The following MYMK variants were observed in gnomAD, a reference collection of about 807,000 sequenced individuals.
The protein encoded by MYMK is protein myomaker.
A neutral mutation model predicts 22.4 loss-of-function variants in MYMK; 16 were observed. The ratio of observed to expected loss-of-function variants is 0.72; its 90% CI spans 0.48 to 1.09. The LOEUF is 1.09. Ranked by LOEUF, MYMK falls within the 50% of genes least tolerant of loss-of-function variation. The pLI, the probability that MYMK is intolerant of heterozygous loss-of-function variation, is 0.00. For synonymous variants in MYMK, 125 were observed against 127.0 expected (o/e 0.98, Z 0.11); for missense variants, 250 against 295.6 (o/e 0.85, Z 1.13).
intron 1 of MYMK, among the ~76,000 whole-genome samples, chr9:133,522,345 G>GT (rs375743210): frequency 7.3e-5 from 11 of 150,698 alleles, no homozygotes; most frequent in South Asian, 2.1e-4. Flanking sequence ...GTGGCTGTCG[G>GT]GGGGGGGCCT....
At position 133,520,184 on chromosome 9, in the gene MYMK, G is replaced by A; in HGVS notation, c.240C>T (p.Val80=). 6.2e-7 allele frequency: 1 copy of A among 1,613,860 alleles called. No individual in the cohort carries two copies. The highest frequency in any genetic ancestry group is 8.5e-7 in the Non-Finnish European group (1 of 1,179,796). Reference sequence around the variant, plus strand: ...GGGTTGACCACTCACCCATCAGCGAGACCCACATGCTCAGGGCTGTCCCGT... The same window carrying A: ...GGGTTGACCACTCACCCATCAGCGAAACCCACATGCTCAGGGCTGTCCCGT... ...SVYGTALSMW[V]SLMALADFDE... The change falls in exon 2 of 5, where the codon GTC becomes GTT. Residue 80 remains valine (V), a synonymous_variant. Coordinates refer to ENST00000339996, the MANE Select transcript of MYMK (RefSeq NM_001080483.3).
chr9:133,516,872 C>T (rs896718512), intron 3 of MYMK, among the ~76,000 whole-genome samples: 1 of 152,224 alleles, frequency 6.6e-6, no homozygotes, highest in Admixed American at 6.5e-5. Flanking sequence ...ATTGCCCAAC[C>T]CCTCCCAAGA....
In MYMK at chr9:133,515,363, T is replaced by G; in HGVS notation, c.516+128A>C. Reference sequence around the variant, plus strand: ...CTGGGAGGGGCTAGTGAGCAGGGACTAATACCAGACTTTGGCCTGGGGCTG... The same window carrying G: ...CTGGGAGGGGCTAGTGAGCAGGGACGAATACCAGACTTTGGCCTGGGGCTG... On this transcript the variant is annotated intron_variant, in intron 4 of 4. Coordinates refer to ENST00000339996, the MANE Select transcript of MYMK (RefSeq NM_001080483.3). This position sits in a 1 kb window ranked among gnomAD's most constrained non-coding sequence, Gnocchi z 5.8. 5.8e-6 allele frequency: 4 copies of G among 693,276 alleles called. No individual in the cohort carries two copies. Among genetic ancestry groups the G allele is most frequent in the Non-Finnish European group, 1.0e-5 (4 of 384,788 alleles). The allele number at this position is 693,276 out of a possible 1,614,324, so 42.9% of individuals were successfully genotyped here.
At chr9:133,519,634 G>A (rs1298348620) in intron 2 of MYMK, among the ~76,000 whole-genome samples, 1 of 152,162 alleles carries the variant, frequency 6.6e-6, no homozygotes, top group East Asian at 1.9e-4. Context: ...AAGACACTAA[G>A]ATTCAAGAGA....
intron 1 of MYMK, among the ~76,000 whole-genome samples, chr9:133,524,244 C>T (rs1266990329): frequency 5.9e-5 from 9 of 152,110 alleles, no homozygotes; most frequent in Admixed American, 5.2e-4. Flanking sequence ...ATCAGACTCA[C>T]TCACCCAGGC....
chr9:133,522,394 G>C (rs918155771), intron 1 of MYMK, among the ~76,000 whole-genome samples: 2 of 152,204 alleles, frequency 1.3e-5, no homozygotes, highest in Non-Finnish European at 2.9e-5. Context: ...TCTCCGTGGG[G>C]TTTGCACCCA....
intron 1 of MYMK, among the ~76,000 whole-genome samples, chr9:133,524,214 A>T (rs1844735174): frequency 6.6e-6 from 1 of 151,980 alleles, no homozygotes. Context: ...CCTGAACCAG[A>T]GCAGCTCCAG....
rs1276403796 is a variant in MYMK, at chr9:133,514,779, C to T, written c.523G>A (p.Asp175Asn). The change falls in exon 5 of 5, where the codon GAC (aspartate) becomes AAC (asparagine). Residue 175 changes from aspartate to asparagine, a missense_variant. Transcript: ENST00000339996. Reference protein sequence around the residue: ...LMLRFFFEDWDYTYVHSFYHC... With the variant: ...LMLRFFFEDWNYTYVHSFYHC... ...TAGAAGCTGTGGACATAAGTGTAGT[C>T]CCAGTCCTGCGGGGGGCAAGCGGTC... 6.2e-6 allele frequency: 10 copies of T among 1,613,528 alleles called. No homozygotes were observed. Among genetic ancestry groups the T allele is most frequent in the Non-Finnish European group, 4.2e-6 (5 of 1,179,646 alleles).
chr9:133,524,369 C>T (rs1327729491), intron 1 of MYMK, among the ~76,000 whole-genome samples: 1 of 151,940 alleles, frequency 6.6e-6, no homozygotes, highest in Non-Finnish European at 1.5e-5. Context: ...GGGAGGTGGC[C>T]CCATGGGCAG....
chr9:133,519,067 T>G, intron 2 of MYMK, 45 bp from the exon 3 acceptor site: 1 of 1,609,446 alleles, frequency 6.2e-7, no homozygotes, highest in Non-Finnish European at 8.5e-7. Flanking sequence ...TGGTCTCTCT[T>G]GCTCCTCCTG....
At chr9:133,518,436 T>C (rs958771514) in intron 3 of MYMK, among the ~76,000 whole-genome samples, 3 of 152,358 alleles carry the variant, frequency 2.0e-5, no homozygotes, top group Non-Finnish European at 2.9e-5. Flanking sequence ...TCCAAGTTGA[T>C]GTTGCATCTC....
chr9:133,519,681 AG>A (rs1350400700), intron 2 of MYMK, among the ~76,000 whole-genome samples: 1 of 152,192 alleles, frequency 6.6e-6, no homozygotes, highest in African/African-American at 2.4e-5. Flanking sequence ...TTAGATGGCA[AG>A]GAGCCTCAGG....
chr9:133,514,620 C>T lies in MYMK; in HGVS notation c.*16G>A, dbSNP rs370118376. On this transcript the variant is annotated 3_prime_UTR_variant, in exon 5 of 5. Coordinates refer to ENST00000339996, the MANE Select transcript of MYMK (RefSeq NM_001080483.3). ...GCTGGGGAGGGCAGGGGCTCAGAGC[C>T]GGGCTGGGCGCAGCATCAGACACAA... The T allele has an allele frequency of 8.1e-6, 13 of 1,608,922 alleles. No individual in the cohort carries two copies. In the African/African-American group the frequency reaches 1.1e-4, roughly 13 times the overall value.
intron 3 of MYMK, among the ~76,000 whole-genome samples, chr9:133,517,701 G>T (rs1391528686): frequency 6.8e-6 from 1 of 146,756 alleles, no homozygotes; most frequent in Admixed American, 6.8e-5. Flanking sequence ...TTCTGGCCCC[G>T]CCACTGCCCT....
At position 133,515,749 on chromosome 9, in the gene MYMK, C is replaced by G. The variant is rs902139172; in HGVS notation, c.400-142G>C. ...GAGAGGAGGCTCAGGAGCCTCCTGCCGCACCCAGCCTCAGATGGCTTCTGC... is the reference window on the plus strand; with the variant it reads ...GAGAGGAGGCTCAGGAGCCTCCTGCGGCACCCAGCCTCAGATGGCTTCTGC... On this transcript the variant is annotated intron_variant, in intron 3 of 4. Transcript: ENST00000339996. The surrounding 1 kb of genome is among the most constrained non-coding windows in gnomAD (Gnocchi z 5.8). 1 of 610,636 alleles carries G rather than the reference C, an allele frequency of 1.6e-6. No individual in the cohort carries two copies. Among genetic ancestry groups the G allele is most frequent in the African/African-American group, 1.9e-5 (1 of 53,988 alleles). The allele number at this position is 610,636 out of a possible 1,614,324, so 37.8% of individuals were successfully genotyped here.
At chr9:133,520,349 G>T in intron 1 of MYMK, 61 bp from the exon 2 acceptor site, 1 of 1,367,762 alleles carries the variant, frequency 7.3e-7, no homozygotes, top group Non-Finnish European at 1.0e-6. Context: ...CCCGAGCCAC[G>T]GCCCCCAGAG....
Position 133,524,042 on chromosome 9 carries a change from A to G in MYMK, c.135+668T>C, listed in dbSNP as rs565272663. Among the ~76,000 whole-genome samples, 3 of 152,200 alleles carry G rather than the reference A, an allele frequency of 2.0e-5. No homozygotes were observed. The East Asian group carries it at 5.8e-4, about 29-fold the overall frequency. Reference sequence around the variant, plus strand: ...TTCTGGGCGCTCCACTGAAAGCCGGATAAGATCACCCAATGACAGGTACCA... The same window carrying G: ...TTCTGGGCGCTCCACTGAAAGCCGGGTAAGATCACCCAATGACAGGTACCA... On this transcript the variant is annotated intron_variant, in intron 1 of 4. Coordinates refer to ENST00000339996, the MANE Select transcript of MYMK (RefSeq NM_001080483.3).
chr9:133,524,893 A>G lies in MYMK; in HGVS notation c.-49T>C, dbSNP rs13300181. ...GGGGTGGGGAGGGTGCTGGTGTCCC[A>G]GGTCCCCAGCACAGGAGCACGAAGT... On this transcript the variant is annotated 5_prime_UTR_variant, in exon 1 of 5. Coordinates refer to ENST00000339996, the MANE Select transcript of MYMK (RefSeq NM_001080483.3). 559,238 of 1,556,192 alleles carry G rather than the reference A, an allele frequency of 0.36. 103,234 individuals carry two copies. Among genetic ancestry groups the G allele is most frequent in the African/African-American group, 0.54 (39,392 of 73,530 alleles).
intron 4 of MYMK, 96 bp from the exon 5 acceptor site, chr9:133,514,881 T>C: frequency 7.2e-7 from 1 of 1,396,404 alleles, no homozygotes; most frequent in South Asian, 1.4e-5. Context: ...CCCCCGCCTC[T>C]GCCAGGGCAC....
Sources: allele counts gnomAD v4.1 joint callset (sites outside exome capture counted in the v4.1 genomes callset), GRCh38; gene constraint gnomAD v4.1.1; non-coding constraint Gnocchi (gnomAD v3.1); transcripts MANE v1.5; gene names NCBI Gene and HGNC (gene_info 2026-07-23, HGNC 2026-07-21).